The following HSPD1 variants were observed in gnomAD, a reference collection of about 807,000 sequenced individuals.
HSPD1 encodes the protein 60 kDa heat shock protein, mitochondrial.
A neutral mutation model predicts 53.0 loss-of-function variants in HSPD1; 3 were observed. The observed-to-expected ratio is 0.06, with a 90% CI of 0.03 to 0.15. The LOEUF is 0.15. Ranked by LOEUF, HSPD1 falls within the 10% of genes least tolerant of loss-of-function variation. The probability of loss-of-function intolerance (pLI) is 1.00; values close to 1 mark genes in which losing one functional copy is unlikely to be tolerated. For synonymous variants in HSPD1, 200 were observed against 228.0 expected (o/e 0.88, Z 1.10); for missense variants, 431 against 694.1 (o/e 0.62, Z 4.26).
chr2:197,499,326 G>C (rs996285587), intron 1 of HSPD1: 2 of 168,500 alleles, frequency 1.2e-5, no homozygotes, highest in Non-Finnish European at 2.6e-5. Context: ...AGAGCAACCA[G>C]CAAGGCCGCG....
rs781615339 is a variant in HSPD1, at chr2:197,498,659, A to G, written c.174+16T>C. 1 of 1,609,184 alleles carries G rather than the reference A, an allele frequency of 6.2e-7. No individual in the cohort carries two copies. The highest frequency in any genetic ancestry group is 1.1e-5 in the South Asian group (1 of 90,960). ...TTAATAATACCGTAATTACAATAAA[A>G]TAAAAATACTGGTACCTTTGGCCCC... is the stretch of plus-strand genomic sequence containing the variant. On this transcript the variant is annotated intron_variant, in intron 2 of 11. Transcript: ENST00000388968.
chr2:197,488,941 A>G, intron 9 of HSPD1, 61 bp downstream of exon 9: 1 of 1,578,096 alleles, frequency 6.3e-7, no homozygotes, highest in Non-Finnish European at 8.7e-7. Flanking sequence ...GGAATACTAC[A>G]GAAGCAAAAT....
intron 8 of HSPD1, among the ~76,000 whole-genome samples, chr2:197,489,920 A>T (rs554675028): frequency 2.0e-5 from 3 of 152,088 alleles, no homozygotes; most frequent in Non-Finnish European, 4.4e-5. Flanking sequence ...TCAAGTCAAG[A>T]ATAGTCAAGA....
chr2:197,492,463 T>G (rs966018548), intron 7 of HSPD1, among the ~76,000 whole-genome samples: 3 of 152,158 alleles, frequency 2.0e-5, no homozygotes, highest in Non-Finnish European at 4.4e-5. Context: ...GTGCTGGGAT[T>G]ATAGCTGTGA....
chr2:197,495,075 T>C, intron 4 of HSPD1: 2 of 606,742 alleles, frequency 3.3e-6, no homozygotes, highest in Non-Finnish European at 3.0e-6. Context: ...GAATCCATTT[T>C]ACAGCCATGT....
In HSPD1 at chr2:197,490,290, C is replaced by A. The variant is rs781386594; in HGVS notation, c.876G>T (p.Lys292Asn). The A allele has an allele frequency of 7.4e-6, 12 of 1,612,312 alleles. No homozygotes were observed. The highest frequency in any genetic ancestry group is 1.0e-5 in the Non-Finnish European group (12 of 1,178,376). The change falls in exon 8 of 12, where the codon AAG becomes AAT. Residue 292 changes from lysine to asparagine, a missense_variant. Around this residue, in one of 2 missense-constraint regions of HSPD1, gnomAD observed 386 missense variants for 657.6 expected, o/e 0.59. Coordinates refer to ENST00000388968, the MANE Select transcript of HSPD1 (RefSeq NM_002156.5). ...TGACTGCCACAACCTGAAGACCAAC[C>A]TTTAGCCTGTTAAGAATAGTTGATA... ...ALSTLVLNRL[K>N]VGLQVVAVKA...
chr2:197,499,559 G>T (rs867136788), intron 1 of HSPD1: 1 of 152,496 alleles, frequency 6.6e-6, no homozygotes, highest in Non-Finnish European at 1.5e-5. Flanking sequence ...CAAACCCCAC[G>T]AGTTGTCCCT....
chr2:197,487,789 T>C, intron 11 of HSPD1, 69 bp downstream of exon 11: 2 of 1,309,046 alleles, frequency 1.5e-6, no homozygotes, highest in South Asian at 2.4e-5. Flanking sequence ...AAATCAAAGA[T>C]TTGGGATGTG....
In HSPD1 at chr2:197,486,871, C is replaced by A. The variant is rs1170130239; in HGVS notation, c.*175G>T. On this transcript the variant is annotated 3_prime_UTR_variant, in exon 12 of 12. Coordinates refer to ENST00000388968, the MANE Select transcript of HSPD1 (RefSeq NM_002156.5). ...TATCTGTAGGCATGGACAATGACAGCAGTAAACCATTATATATTTTGTCAA... is the reference window on the plus strand; with the variant it reads ...TATCTGTAGGCATGGACAATGACAGAAGTAAACCATTATATATTTTGTCAA... 6.6e-6 allele frequency: 4 copies of A among 603,512 alleles called. No individual in the cohort carries two copies. The highest frequency in any genetic ancestry group is 1.2e-5 in the Non-Finnish European group (4 of 338,736). 37.4% of individuals were successfully genotyped at this position (603,512 alleles called of 1,614,324 possible). A position where few individuals can be genotyped will look rare whatever the true frequency, so the allele number is the denominator to read the frequency against.
At chr2:197,487,373 C>A (rs1458861224) in intron 11 of HSPD1, among the ~76,000 whole-genome samples, 175 bp from the exon 12 acceptor site, 1 of 151,966 alleles carries the variant, frequency 6.6e-6, no homozygotes, top group African/African-American at 2.4e-5. Context: ...ATGATGAGAC[C>A]CCGTCTCTAC....
intron 7 of HSPD1, among the ~76,000 whole-genome samples, chr2:197,492,362 A>G (rs1157213953): frequency 6.6e-6 from 1 of 151,732 alleles, no homozygotes; most frequent in Non-Finnish European, 1.5e-5. Flanking sequence ...GCTAATTTTT[A>G]TATTTTTAGT....
Position 197,487,093 on chromosome 2 carries a change from C to G in HSPD1, c.1675G>C (p.Gly559Arg). ...CCACCTCCCATTCCACCCATTGCAC[C>G]CATTCCAGGGTCCTTCTCTTCTTTA... ...IPKEEKDPGMGAMGGMGGGMG... is the reference protein window; with the variant it reads ...IPKEEKDPGMRAMGGMGGGMG... The change falls in exon 12 of 12, where the codon GGT becomes CGT. Residue 559 changes from glycine (G) to arginine (R), a missense_variant. By Grantham distance (125) the Gly-to-Arg change is moderately radical. This residue lies in a region of HSPD1 where 386 missense variants were observed against 657.6 expected (regional missense o/e 0.59). Coordinates refer to ENST00000388968, the MANE Select transcript of HSPD1 (RefSeq NM_002156.5). 1 of 1,550,948 alleles carries G rather than the reference C, an allele frequency of 6.4e-7. No homozygotes were observed. Among genetic ancestry groups the G allele is most frequent in the Non-Finnish European group, 8.9e-7 (1 of 1,122,686 alleles).
At chr2:197,496,801 G>A (rs968779619) in intron 3 of HSPD1, 7 of 327,696 alleles carry the variant, frequency 2.1e-5, no homozygotes, top group South Asian at 1.9e-4. Context: ...AGGAATGGTG[G>A]TGAGTGCCTG....
rs770669731 is a variant in HSPD1, at chr2:197,494,609, GATC to G, written c.606+45_606+47del. 7.8e-5 allele frequency: 66 copies of G among 847,838 alleles called. No homozygotes were observed. In the East Asian group the frequency reaches 1.0e-3, roughly 13 times the overall value. 52.5% of individuals were successfully genotyped at this position (847,838 alleles called of 1,614,324 possible). A position where few individuals can be genotyped will look rare whatever the true frequency, so the allele number is the denominator to read the frequency against. ...TGATCATCAGATAACTCAAACTTTT[GATC>G]ATAAGATAACTCAAAATTATCTTTA... On this transcript the variant is annotated intron_variant, in intron 5 of 11. Transcript: ENST00000388968.
chr2:197,493,254 G>A, intron 7 of HSPD1, 70 bp downstream of exon 7: 1 of 1,333,382 alleles, frequency 7.5e-7, no homozygotes, highest in East Asian at 2.3e-5. Flanking sequence ...GATGGAAACT[G>A]CAAACAGCAA....
chr2:197,489,784 G>A (rs1170322047), intron 8 of HSPD1, among the ~76,000 whole-genome samples: 1 of 152,018 alleles, frequency 6.6e-6, no homozygotes, highest in East Asian at 1.9e-4. Context: ...GAACCCAGAA[G>A]GTGGAGGTTG....
At chr2:197,495,652 TCTCA>T (rs1428441260) in intron 3 of HSPD1, among the ~76,000 whole-genome samples, 4 of 152,026 alleles carry the variant, frequency 2.6e-5, no homozygotes, top group African/African-American at 4.8e-5. Context: ...GTAGACAAGG[TCTCA>T]CTATGTTGCC....
chr2:197,488,610 T>A, intron 9 of HSPD1, 119 bp from the exon 10 acceptor site: 1 of 929,760 alleles, frequency 1.1e-6, no homozygotes, highest in South Asian at 1.3e-5. Flanking sequence ...GGCTCACACC[T>A]GTAATCCTAG....
At position 197,488,591 on chromosome 2, in the gene HSPD1, G is replaced by C. The variant is rs529125313; in HGVS notation, c.1216-100C>G. ...TTTACTTAAAAAGCAATCCTGAGGT[G>C]GGCGTGGTGGCTCACACCTGTAATC... On this transcript the variant is annotated intron_variant, in intron 9 of 11. Transcript: ENST00000388968. The C allele has an allele frequency of 4.6e-6, 5 of 1,096,976 alleles. No homozygotes were observed. The East Asian group carries it at 1.2e-4, about 26-fold the overall frequency. The allele number at this position is 1,096,976 out of a possible 1,614,324, so 68.0% of individuals were successfully genotyped here.
Sources: gnomAD v4.1 joint callset for allele counts (sites outside exome capture counted in the v4.1 genomes callset) on GRCh38, gnomAD v4.1.1 for gene constraint, gnomAD v4.1.1 regional missense constraint, MANE v1.5 for transcripts, NCBI Gene and HGNC (gene_info 2026-07-23, HGNC 2026-07-21) for gene names.